The following FBLN2 variants were observed in gnomAD, a reference collection of about 807,000 sequenced individuals.
FBLN2 encodes the protein fibulin 2.
A neutral mutation model predicts 123.7 loss-of-function variants in FBLN2; 81 were observed. The observed-to-expected ratio is 0.65, with a 90% confidence interval of 0.55 to 0.79. FBLN2 has a LOEUF of 0.79. Ranked by LOEUF, FBLN2 falls within the 30% of genes least tolerant of loss-of-function variation. The pLI, the probability that FBLN2 is intolerant of heterozygous loss-of-function variation, is 0.00. For missense variants in FBLN2, 1,603 were observed against 1,681.3 expected (o/e 0.95, Z 0.81); for synonymous variants, 699 against 701.4 (o/e 1.00, Z 0.05).
intron 5 of FBLN2, among the ~76,000 whole-genome samples, chr3:13,614,939 T>TCCACCCAC (rs1553621314): frequency 1.0e-4 from 15 of 146,344 alleles, no homozygotes; most frequent in Non-Finnish European, 2.1e-4. Context: ...CATCCATCCA[T>TCCACCCAC]CCACCCACCC....
chr3:13,628,680 T>C (rs1706134405), intron 11 of FBLN2, among the ~76,000 whole-genome samples: 1 of 152,216 alleles, frequency 6.6e-6, no homozygotes, highest in South Asian at 2.1e-4. Context: ...AGCTGCTCTG[T>C]TGGGCAGATG....
At chr3:13,612,977 G>A (rs1274556548) in intron 4 of FBLN2, among the ~76,000 whole-genome samples, 1 of 152,144 alleles carries the variant, frequency 6.6e-6, no homozygotes, top group East Asian at 1.9e-4. Flanking sequence ...TGGGGGCGGG[G>A]GTGAGTGCTT....
chr3:13,623,662 G>A (rs893751907), intron 9 of FBLN2, among the ~76,000 whole-genome samples: 1 of 152,238 alleles, frequency 6.6e-6, no homozygotes, highest in African/African-American at 2.4e-5. Context: ...CTAGGATCAA[G>A]AGTGTGGCCT....
At chr3:13,621,578 C>T (rs546062833) in intron 8 of FBLN2, among the ~76,000 whole-genome samples, 197 bp from the exon 9 acceptor site, 16 of 152,304 alleles carry the variant, frequency 1.1e-4, no homozygotes, top group African/African-American at 1.7e-4. Flanking sequence ...ACCTCACCAC[C>T]GTCCTTACTG....
intron 2 of FBLN2, among the ~76,000 whole-genome samples, chr3:13,603,677 A>G (rs1220971216): frequency 6.6e-6 from 1 of 152,160 alleles, no homozygotes; most frequent in Non-Finnish European, 1.5e-5. Flanking sequence ...TGCTATTGTG[A>G]ATAGTGCTGC....
chr3:13,575,299 T>C (rs1429451586), intron 2 of FBLN2, among the ~76,000 whole-genome samples: 1 of 152,042 alleles, frequency 6.6e-6, no homozygotes, highest in Non-Finnish European at 1.5e-5. Flanking sequence ...GGGCCATGGG[T>C]GGGCAGAAGG....
chr3:13,605,691 G>A (rs534873676), intron 2 of FBLN2, among the ~76,000 whole-genome samples: 2 of 152,232 alleles, frequency 1.3e-5, no homozygotes, highest in Non-Finnish European at 2.9e-5. Context: ...ACGGGCTGTC[G>A]TGAGGACTTC....
chr3:13,556,024 G>C (rs1426210021), intron 1 of FBLN2, among the ~76,000 whole-genome samples: 2 of 152,140 alleles, frequency 1.3e-5, no homozygotes, highest in African/African-American at 4.8e-5. Context: ...TGCTAGGCTG[G>C]GGTTGATGGA....
intron 2 of FBLN2, among the ~76,000 whole-genome samples, chr3:13,601,893 G>A (rs777250767): frequency 3.3e-5 from 5 of 152,166 alleles, no homozygotes; most frequent in Non-Finnish European, 7.3e-5. Context: ...CATCTCCTGG[G>A]CTCAAGCAAT....
chr3:13,606,174 C>T (rs1705197493), intron 2 of FBLN2, among the ~76,000 whole-genome samples: 1 of 152,182 alleles, frequency 6.6e-6, no homozygotes, highest in Admixed American at 6.5e-5. Context: ...TGCTGGGATA[C>T]AGGCGTGAAC....
chr3:13,619,675 G>A, intron 7 of FBLN2, 55 bp from the exon 8 acceptor site: 1 of 1,479,290 alleles, frequency 6.8e-7, no homozygotes, highest in Non-Finnish European at 9.4e-7. Flanking sequence ...GAATGAGCCA[G>A]TGTGGACCAA....
chr3:13,553,528 T>C (rs1000986570), intron 1 of FBLN2, among the ~76,000 whole-genome samples: 2 of 152,218 alleles, frequency 1.3e-5, no homozygotes, highest in Non-Finnish European at 2.9e-5. Flanking sequence ...TCGCCTCAGC[T>C]GGGCACGTCC....
In FBLN2 at chr3:13,629,183, A is replaced by G. The variant is rs2124907132; in HGVS notation, c.2733A>G (p.Thr911=). 1 of 1,613,080 alleles carries G rather than the reference A, an allele frequency of 6.2e-7. No individual in the cohort carries two copies. The highest frequency in any genetic ancestry group is 8.5e-7 in the Non-Finnish European group (1 of 1,179,614). The change falls in exon 13 of 18, where the codon ACA becomes ACG. Residue 911 remains threonine (T), a synonymous_variant. Transcript: ENST00000404922. ...TKCVDVNECE[T]GVHRCGEGQV... is the part of the protein sequence containing the mutation. ...CCACAGACGTGAATGAGTGTGAGAC[A>G]GGTGTGCACCGCTGCGGTGAGGGCC...
In FBLN2 at chr3:13,630,794, G is replaced by A. The variant is rs1235663366; in HGVS notation, c.3064G>A (p.Glu1022Lys). The change falls in exon 15 of 18, where the codon GAG becomes AAG. Residue 1022 changes from glutamate to lysine, a missense_variant. Glu to Lys is a moderately conservative substitution (Grantham distance 56). Coordinates refer to ENST00000404922, the MANE Select transcript of FBLN2 (RefSeq NM_001004019.2). ...CYCRQGYQLA[E>K]DGHTCTDIDE... ...CTGCCGCCAGGGCTACCAGCTGGCT[G>A]AGGATGGGCACACCTGCACAGGTAC... 3 of 1,605,852 alleles carry A rather than the reference G, an allele frequency of 1.9e-6. No individual in the cohort carries two copies. Among genetic ancestry groups the A allele is most frequent in the African/African-American group, 2.7e-5 (2 of 74,944 alleles).
At chr3:13,598,792 C>G (rs938530478) in intron 2 of FBLN2, among the ~76,000 whole-genome samples, 2 of 152,174 alleles carry the variant, frequency 1.3e-5, no homozygotes, top group African/African-American at 4.8e-5. Context: ...ATTGGGACAG[C>G]CTGCCACCCG....
intron 4 of FBLN2, 50 bp downstream of exon 4, chr3:13,609,692 G>GGGGGGGGGGGGGGGGGT: frequency 2.0e-5 from 10 of 508,392 alleles, no homozygotes; most frequent in East Asian, 6.4e-5. Flanking sequence ...GGCGGGGCGG[G>GGGGGGGGGGGGGGGGGT]AGGCTGGCCT....
At chr3:13,598,228 C>G (rs186007076) in intron 2 of FBLN2, among the ~76,000 whole-genome samples, 1 of 152,220 alleles carries the variant, frequency 6.6e-6, no homozygotes, top group Non-Finnish European at 1.5e-5. Context: ...TGCCAGGAGA[C>G]AGGAGGCTGT....
In FBLN2 at chr3:13,570,814, C is replaced by A; in HGVS notation, c.459C>A (p.His153Gln). 1 of 1,594,614 alleles carries A rather than the reference C, an allele frequency of 6.3e-7. No homozygotes were observed. ...GHKYAAGHTV[H>Q]LPPCRACHCP... The stretch of plus-strand genomic sequence containing the variant: ...AGTACGCCGCTGGCCACACTGTTCA[C>A]CTGCCGCCCTGCCGGGCCTGCCACT... The change falls in exon 2 of 18, where the codon CAC becomes CAA. Residue 153 changes from histidine (H) to glutamine (Q), a missense_variant. Transcript: ENST00000404922.
In FBLN2 at chr3:13,607,221, C is replaced by T. The variant is rs375248902; in HGVS notation, c.1307-841C>T. Among the ~76,000 whole-genome samples, 545 of 149,056 alleles carry T rather than the reference C, an allele frequency of 3.7e-3. 6 individuals carry two copies. Among genetic ancestry groups the T allele is most frequent in the South Asian group, 0.032 (150 of 4,622 alleles). On this transcript the variant is annotated intron_variant, in intron 2 of 17. Transcript: ENST00000404922. The stretch of plus-strand genomic sequence containing the variant: ...CAGGCTGGTCTTGAACTCCTGACCT[C>T]GTGATCTGCCCGCCTCAGCCTCTCA...
Sources: gnomAD v4.1 joint callset for allele counts (sites outside exome capture counted in the v4.1 genomes callset) on GRCh38, gnomAD v4.1.1 for gene constraint, MANE v1.5 for transcripts, NCBI Gene and HGNC (gene_info 2026-07-23, HGNC 2026-07-21) for gene names.